ANKFN1: variants seen among roughly 807,000 people sequenced by gnomAD.
ANKFN1 encodes the protein ankyrin repeat and fibronectin type-III domain-containing protein 1.
In ANKFN1, 74 loss-of-function variants were observed where a neutral mutation model predicts 108.7. The observed-to-expected ratio is 0.68, with a 90% CI of 0.56 to 0.83. The LOEUF is 0.83. Among genes scored for constraint, ANKFN1 ranks in the 40% least tolerant of loss-of-function variants. The pLI, the probability that ANKFN1 is intolerant of heterozygous loss-of-function variation, is 0.00. For synonymous variants in ANKFN1, 547 were observed against 516.2 expected, an observed-to-expected ratio of 1.06 and a Z score of -0.81; for missense variants, 1,505 against 1,382.3, an observed-to-expected ratio of 1.09 and a Z score of -1.41.
chr17:56,413,558 G>A (rs919691570), intron 8 of ANKFN1, among the ~76,000 whole-genome samples: 2 of 152,110 alleles, frequency 1.3e-5, no homozygotes, highest in African/African-American at 4.8e-5. Flanking sequence ...TTGGCTGTGG[G>A]TTTGTCATAT....
intron 8 of ANKFN1, among the ~76,000 whole-genome samples, chr17:56,418,508 G>T (rs2048306259): frequency 6.6e-6 from 1 of 152,110 alleles, no homozygotes; most frequent in Admixed American, 6.6e-5. Flanking sequence ...GCTTAAGATG[G>T]CAGTGTGATG....
rs753078281 is a variant in ANKFN1 at position 56,466,453 on chromosome 17, T to G, written c.1655T>G (p.Met552Arg). Residue 552 changes from methionine to arginine, a missense_variant, in exon 15 of 21, where the codon ATG becomes AGG. Coordinates refer to ENST00000682825, the MANE Select transcript of ANKFN1 (RefSeq NM_001370326.1). ...ILIVTIREVEMLYSFFNGKWM... is the reference protein window; with the variant it reads ...ILIVTIREVERLYSFFNGKWM... ...ATAGTCACCATCAGGGAGGTGGAGA[T>G]GCTTTATTCATTTTTTAATGGCAAA... 8.1e-6 allele frequency: 13 copies of G among 1,614,194 alleles called. No homozygotes were observed. Among genetic ancestry groups the G allele is most frequent in the Non-Finnish European group, 1.1e-5 (13 of 1,180,022 alleles).
In ANKFN1 at chr17:56,456,888, G is replaced by A. The variant is rs957728897; in HGVS notation, c.1235G>A (p.Arg412His). ...RESTKLQTTG[R>H]KQSVSRSLKH... ...AGCACAAAATTACAAACCACAGGCCGCAAGCAGTCAGTCTCAAGAAGCCTG... is the reference window on the plus strand; with the variant it reads ...AGCACAAAATTACAAACCACAGGCCACAAGCAGTCAGTCTCAAGAAGCCTG... Residue 412 changes from arginine (R) to histidine (H), a missense_variant, in exon 12 of 21, where the codon CGC (arginine) becomes CAC (histidine). Coordinates refer to ENST00000682825, the MANE Select transcript of ANKFN1 (RefSeq NM_001370326.1). 34 of 1,614,042 alleles carry A rather than the reference G, an allele frequency of 2.1e-5. No individual in the cohort carries two copies. Among genetic ancestry groups the A allele is most frequent in the Non-Finnish European group, 2.6e-5 (31 of 1,179,982 alleles).
intron 4 of ANKFN1, among the ~76,000 whole-genome samples, chr17:56,330,929 T>A (rs1051347208): frequency 6.6e-6 from 1 of 152,152 alleles, no homozygotes; most frequent in Admixed American, 6.5e-5. Flanking sequence ...ACTTAATATA[T>A]ATACATTAAA....
At chr17:56,360,238 T>C (rs183705073) in intron 6 of ANKFN1, among the ~76,000 whole-genome samples, 4 of 152,318 alleles carry the variant, frequency 2.6e-5, no homozygotes, top group Non-Finnish European at 2.9e-5. Context: ...CTCCATTCTG[T>C]TCCTGTAACA....
At chr17:56,056,622 T>A (rs913776378) in intron 4 of ANKFN1, among the ~76,000 whole-genome samples, 3 of 152,184 alleles carry the variant, frequency 2.0e-5, no homozygotes, top group Non-Finnish European at 4.4e-5. Flanking sequence ...GCTAGACATA[T>A]GCAGAAGAAT....
chr17:56,107,813 C>A (rs566737979), intron 4 of ANKFN1, among the ~76,000 whole-genome samples: 1 of 152,164 alleles, frequency 6.6e-6, no homozygotes, highest in East Asian at 1.9e-4. Context: ...TGCCCTCAAA[C>A]GCATTCACTG....
intron 3 of ANKFN1, among the ~76,000 whole-genome samples, chr17:56,291,677 C>A (rs989411530): frequency 6.6e-6 from 1 of 152,146 alleles, no homozygotes; most frequent in African/African-American, 2.4e-5. Context: ...GATGGCCTAG[C>A]CAACTAGGAT....
intron 10 of ANKFN1, among the ~76,000 whole-genome samples, chr17:56,447,343 C>T (rs1398892600): frequency 6.6e-6 from 1 of 152,210 alleles, no homozygotes; most frequent in Non-Finnish European, 1.5e-5. Context: ...GTACCTGTGC[C>T]AATTCCCTGT....
At chr17:56,477,352 C>T in intron 15 of ANKFN1, 136 bp from the exon 16 acceptor site, 2 of 781,756 alleles carry the variant, frequency 2.6e-6, no homozygotes, top group Non-Finnish European at 1.9e-6. Flanking sequence ...CATGGTATAC[C>T]TGAGGTTTCT....
chr17:56,383,807 A>G (rs913155416), intron 8 of ANKFN1, among the ~76,000 whole-genome samples: 7 of 152,216 alleles, frequency 4.6e-5, no homozygotes, highest in African/African-American at 1.7e-4. Context: ...AAATAGACCA[A>G]TAACAGGCTC....
At chr17:56,291,328 G>A (rs768419386) in intron 3 of ANKFN1, among the ~76,000 whole-genome samples, 10 of 150,552 alleles carry the variant, frequency 6.6e-5, no homozygotes, top group Non-Finnish European at 1.3e-4. Flanking sequence ...ATTTTGAGTG[G>A]ATTCACTCTT....
intron 1 of ANKFN1, among the ~76,000 whole-genome samples, chr17:56,208,596 T>A (rs896385632): frequency 1.3e-5 from 2 of 152,200 alleles, no homozygotes; most frequent in Non-Finnish European, 1.5e-5. Context: ...CCTCATGATA[T>A]CCGCTGATCC....
At chr17:56,324,931 G>A (rs1484903404) in intron 3 of ANKFN1, among the ~76,000 whole-genome samples, 1 of 152,180 alleles carries the variant, frequency 6.6e-6, no homozygotes, top group Non-Finnish European at 1.5e-5. Flanking sequence ...TTGGGGGTGA[G>A]CGAGCTATCA....
Position 56,354,095 on chromosome 17 carries a change from C to A in ANKFN1, c.601+49C>A, listed in dbSNP as rs754135417. ...ATGTACTATTAAAGCCAGATTCCAG[C>A]CTTATGCCACCAAAATAGCCATTGC... On this transcript the variant is annotated intron_variant, in intron 6 of 20. Coordinates refer to ENST00000682825, the MANE Select transcript of ANKFN1 (RefSeq NM_001370326.1). 3.9e-6 allele frequency: 6 copies of A among 1,558,190 alleles called. No homozygotes were observed. The Admixed American group carries it at 8.9e-5, about 23-fold the overall frequency.
Position 56,466,520 on chromosome 17 carries a change from A to C in ANKFN1, c.1722A>C (p.Leu574=). ...AGCTGCAAAGCCAGAGAAAGTCTCT[A>C]TCAACACCTGAGGAGCCAACAGCTT... ...ISKLQSQRKS[L]STPEEPTALD... is the part of the protein sequence containing the mutation. Residue 574 remains leucine, a synonymous_variant, in exon 15 of 21, where the codon CTA becomes CTC. Transcript: ENST00000682825. 1 of 1,614,036 alleles carries C rather than the reference A, an allele frequency of 6.2e-7. No homozygotes were observed. The highest frequency in any genetic ancestry group is 1.7e-4 in the Middle Eastern group (1 of 6,050).
intron 4 of ANKFN1, among the ~76,000 whole-genome samples, chr17:56,138,907 T>C (rs1483890383): frequency 6.6e-6 from 1 of 152,050 alleles, no homozygotes; most frequent in East Asian, 1.9e-4. Flanking sequence ...CAAGTCAAGA[T>C]TGAGGGAGAA....
At chr17:56,143,509 C>T (rs982334531) in intron 4 of ANKFN1, among the ~76,000 whole-genome samples, 40 of 152,166 alleles carry the variant, frequency 2.6e-4, no homozygotes, top group African/African-American at 9.4e-4. Flanking sequence ...ATGTTCTGTG[C>T]TTGCCTCTAT....
intron 1 of ANKFN1, among the ~76,000 whole-genome samples, chr17:56,182,272 A>G (rs1911757550): frequency 6.6e-6 from 1 of 152,226 alleles, no homozygotes; most frequent in African/African-American, 2.4e-5. Flanking sequence ...GTCGAAAGCC[A>G]AGAGAGGCCA....
Sources: allele counts gnomAD v4.1 joint callset (sites outside exome capture counted in the v4.1 genomes callset), GRCh38; gene constraint gnomAD v4.1.1; transcripts MANE v1.5; gene names NCBI Gene and HGNC (gene_info 2026-07-23, HGNC 2026-07-21).